Variants in CDKAL1 observed in about 807,000 individuals in gnomAD.
The protein encoded by CDKAL1 is threonylcarbamoyladenosine tRNA methylthiotransferase.
CDKAL1 carries 32 observed loss-of-function variants against 68.2 expected under a neutral mutation model. The ratio of observed to expected loss-of-function variants is 0.47; its 90% CI spans 0.35 to 0.63. The LOEUF is 0.63. CDKAL1 is among the 30% of genes least tolerant of loss of function. The pLI is 0.00. For missense variants in CDKAL1, 606 were observed against 696.7 expected, an observed-to-expected ratio of 0.87 and a Z score of 1.47; for synonymous variants, 234 against 244.3, an observed-to-expected ratio of 0.96 and a Z score of 0.39.
intron 9 of CDKAL1, among the ~76,000 whole-genome samples, chr6:20,930,142 A>G (rs776638783): frequency 5.9e-5 from 9 of 152,214 alleles, no homozygotes; most frequent in Non-Finnish European, 1.0e-4. Context: ...TTAGTGAGCT[A>G]AAACGCAGAC....
intron 2 of CDKAL1, among the ~76,000 whole-genome samples, chr6:20,544,972 T>G (rs1441588704): frequency 7.0e-6 from 1 of 143,556 alleles, no homozygotes; most frequent in Non-Finnish European, 1.5e-5. Flanking sequence ...GTTTTGTGTG[T>G]GTGTGTGTGT....
chr6:20,732,273 T>C (rs1290569405), intron 5 of CDKAL1, among the ~76,000 whole-genome samples: 4 of 126,056 alleles, frequency 3.2e-5, no homozygotes, highest in Non-Finnish European at 5.2e-5. Flanking sequence ...CTTTTTTTTT[T>C]TTTTTTTTTT....
chr6:20,880,654 C>G lies in CDKAL1; in HGVS notation c.742+34476C>G, dbSNP rs58917086. On this transcript the variant is annotated intron_variant, in intron 9 of 15. Transcript: ENST00000274695. ...TCTTTTTTGTGATTTATAAATTTCT[C>G]TATGGCCTGTATCTTATACTGTATA... Among the ~76,000 whole-genome samples the G allele has an allele frequency of 8.6e-3, 1,314 of 152,180 alleles. 26 individuals are homozygous for G. The highest frequency in any genetic ancestry group is 0.03 in the African/African-American group (1,240 of 41,516).
intron 4 of CDKAL1, among the ~76,000 whole-genome samples, chr6:20,648,341 A>G (rs1768583070): frequency 6.6e-6 from 1 of 151,842 alleles, no homozygotes; most frequent in Admixed American, 6.6e-5. Context: ...TCTTGGCCCA[A>G]CTGGTCTTGA....
intron 4 of CDKAL1, among the ~76,000 whole-genome samples, chr6:20,574,344 C>T (rs1373633703): frequency 2.0e-5 from 3 of 152,056 alleles, no homozygotes; most frequent in African/African-American, 7.2e-5. Flanking sequence ...GGATGTAATC[C>T]TAGCTCAGAT....
chr6:21,086,501 G>T (rs1772701632), intron 12 of CDKAL1, among the ~76,000 whole-genome samples: 1 of 152,162 alleles, frequency 6.6e-6, no homozygotes, highest in Admixed American at 6.5e-5. Context: ...CCAAATGCCT[G>T]ATCCATGCCA....
chr6:20,998,381 G>A (rs1391475501), intron 10 of CDKAL1, among the ~76,000 whole-genome samples: 1 of 152,150 alleles, frequency 6.6e-6, no homozygotes, highest in Admixed American at 6.5e-5. Context: ...AGAGGCTGAG[G>A]CAGGCGGATC....
intron 10 of CDKAL1, among the ~76,000 whole-genome samples, chr6:20,959,093 G>A (rs1180629058): frequency 6.6e-6 from 1 of 152,178 alleles, no homozygotes; most frequent in Non-Finnish European, 1.5e-5. Flanking sequence ...CTAGCATTGT[G>A]TGTGGCACTT....
At chr6:20,926,455 G>T (rs1015849064) in intron 9 of CDKAL1, among the ~76,000 whole-genome samples, 1 of 151,952 alleles carries the variant, frequency 6.6e-6, no homozygotes, top group Admixed American at 6.6e-5. Context: ...TGTTTGATTT[G>T]GACAGAAGAA....
Position 20,915,043 on chromosome 6 carries a change from G to A in CDKAL1, c.743-40376G>A, listed in dbSNP as rs566800730. ...CTTTAAAATAAGATGTTCTTATATCGTATTTACTGATTCTCCATTAAACTC... is the reference window on the plus strand; with the variant it reads ...CTTTAAAATAAGATGTTCTTATATCATATTTACTGATTCTCCATTAAACTC... On this transcript the variant is annotated intron_variant, in intron 9 of 15. Transcript: ENST00000274695. Among the ~76,000 whole-genome samples, 11 of 151,700 alleles carry A rather than the reference G, an allele frequency of 7.3e-5. No homozygotes were observed. In the South Asian group the frequency reaches 1.9e-3, roughly 26 times the overall value.
intron 4 of CDKAL1, among the ~76,000 whole-genome samples, chr6:20,611,244 G>T (rs1411113593): frequency 6.6e-6 from 1 of 152,022 alleles, no homozygotes; most frequent in Non-Finnish European, 1.5e-5. Context: ...CTGAGGTTTC[G>T]TGTCTTAGCC....
intron 13 of CDKAL1, among the ~76,000 whole-genome samples, chr6:21,166,736 T>TTTAATTTG (rs1777170790): frequency 6.6e-6 from 1 of 152,184 alleles, no homozygotes; most frequent in Non-Finnish European, 1.5e-5. Context: ...AAAAAGTATT[T>TTTAATTTG]GGATTTTTAA....
chr6:20,810,630 G>A (rs1275655734), intron 8 of CDKAL1, among the ~76,000 whole-genome samples: 2 of 18,720 alleles, frequency 1.1e-4, no homozygotes, highest in Non-Finnish European at 1.9e-4. Context: ...ATGTATGGGT[G>A]TGTGTGTGTG....
At chr6:21,127,891 T>A (rs1035220876) in intron 13 of CDKAL1, among the ~76,000 whole-genome samples, 4 of 152,230 alleles carry the variant, frequency 2.6e-5, no homozygotes, top group Admixed American at 2.6e-4. Flanking sequence ...GAAGACTGAC[T>A]TCAAATTATT....
chr6:20,852,355 G>T (rs1041107910), intron 9 of CDKAL1, among the ~76,000 whole-genome samples: 2 of 152,148 alleles, frequency 1.3e-5, no homozygotes, highest in African/African-American at 4.8e-5. Flanking sequence ...TGAACCCTCA[G>T]AATTATTTTC....
At chr6:21,187,635 C>T (rs1778066479) in intron 13 of CDKAL1, among the ~76,000 whole-genome samples, 1 of 152,128 alleles carries the variant, frequency 6.6e-6, no homozygotes, top group African/African-American at 2.4e-5. Flanking sequence ...CCTGACTCCC[C>T]ATGCTTTTGG....
intron 5 of CDKAL1, among the ~76,000 whole-genome samples, chr6:20,676,435 A>T (rs1478017023): frequency 1.3e-5 from 2 of 152,052 alleles, no homozygotes; most frequent in Non-Finnish European, 2.9e-5. Flanking sequence ...TGGGAGGCCG[A>T]TGCGTGCGGG....
intron 9 of CDKAL1, among the ~76,000 whole-genome samples, chr6:20,889,117 G>A (rs1226746656): frequency 6.6e-6 from 1 of 152,084 alleles, no homozygotes; most frequent in Non-Finnish European, 1.5e-5. Flanking sequence ...TTCTCTGATG[G>A]CCAGTGATGA....
chr6:20,593,487 G>T (rs1765680793), intron 4 of CDKAL1, among the ~76,000 whole-genome samples: 1 of 151,812 alleles, frequency 6.6e-6, no homozygotes, highest in South Asian at 2.1e-4. Context: ...TCTGATGATA[G>T]TTTGTATTTC....
Sources: gnomAD v4.1 joint callset for allele counts (sites outside exome capture counted in the v4.1 genomes callset) on GRCh38, gnomAD v4.1.1 for gene constraint, MANE v1.5 for transcripts, NCBI Gene and HGNC (gene_info 2026-07-23, HGNC 2026-07-21) for gene names.